The following PLXDC2 variants were observed in gnomAD, a reference collection of about 807,000 sequenced individuals.
PLXDC2 encodes plexin domain containing 2.
PLXDC2 carries 40 observed loss-of-function variants against 68.9 expected under a neutral mutation model. The observed-to-expected ratio is 0.58, with a 90% CI of 0.45 to 0.76. PLXDC2 has a LOEUF of 0.76. Among genes scored for constraint, PLXDC2 ranks in the 30% least tolerant of loss-of-function variants. The pLI, the probability that PLXDC2 is intolerant of heterozygous loss-of-function variation, is 0.00. For synonymous variants in PLXDC2, 243 were observed against 234.2 expected, an observed-to-expected ratio of 1.04 and a Z score of -0.34; for missense variants, 644 against 661.9, an observed-to-expected ratio of 0.97 and a Z score of 0.30.
chr10:20,143,930 G>A (rs1834040167), intron 5 of PLXDC2, among the ~76,000 whole-genome samples: 2 of 152,136 alleles, frequency 1.3e-5, no homozygotes, highest in South Asian at 4.1e-4. Flanking sequence ...ATGAGTGAGA[G>A]CCTGTCAAGA....
At chr10:19,982,313 T>A (rs10827917) in intron 1 of PLXDC2, among the ~76,000 whole-genome samples, 27,566 of 152,154 alleles carry the variant, frequency 0.18, 2,691 homozygotes, top group South Asian at 0.27. Flanking sequence ...TGGTGGTAGA[T>A]ACATTCAGAA....
Position 20,130,283 on chromosome 10 carries a change from T to C in PLXDC2, c.542-13012T>C, listed in dbSNP as rs545233827. On this transcript the variant is annotated intron_variant, in intron 4 of 13. Coordinates refer to ENST00000377252, the MANE Select transcript of PLXDC2 (RefSeq NM_032812.9). ...ATTTTGGTGCTATTGTATGTGAGAG[T>C]GTTAATTTCTATTTTGGATAGTTTG... Among the ~76,000 whole-genome samples the C allele has an allele frequency of 4.0e-3, 604 of 152,130 alleles. 2 individuals carry two copies. Among genetic ancestry groups the C allele is most frequent in the Middle Eastern group, 6.8e-3 (2 of 294 alleles).
intron 12 of PLXDC2, among the ~76,000 whole-genome samples, chr10:20,226,240 A>T (rs147782280): frequency 3.6e-3 from 545 of 152,312 alleles, no homozygotes; most frequent in African/African-American, 0.013. Flanking sequence ...CATTATATCC[A>T]TTATACCTCC....
At chr10:20,261,940 A>C (rs1423867651) in intron 13 of PLXDC2, among the ~76,000 whole-genome samples, 1 of 152,198 alleles carries the variant, frequency 6.6e-6, no homozygotes, top group Non-Finnish European at 1.5e-5. Context: ...CAAATAATCT[A>C]GGAGTGGCCA....
At chr10:19,949,703 A>G (rs775635655) in intron 1 of PLXDC2, among the ~76,000 whole-genome samples, 43 of 152,210 alleles carry the variant, frequency 2.8e-4, no homozygotes, top group Non-Finnish European at 5.3e-4. Context: ...AAGTGGGTCT[A>G]CATGTACACT....
At chr10:20,201,539 A>C (rs1245372657) in intron 9 of PLXDC2, among the ~76,000 whole-genome samples, 1 of 151,966 alleles carries the variant, frequency 6.6e-6, no homozygotes, top group Non-Finnish European at 1.5e-5. Flanking sequence ...AACATATATA[A>C]TAACAATATA....
At chr10:20,018,327 T>C (rs1420990010) in intron 2 of PLXDC2, among the ~76,000 whole-genome samples, 2 of 152,232 alleles carry the variant, frequency 1.3e-5, no homozygotes. Context: ...CAGTAAGATA[T>C]ATGATTCTTG....
rs573437797 is a variant in PLXDC2 at position 19,835,156 on chromosome 10, G to C, written c.112+17965G>C. Among the ~76,000 whole-genome samples the C allele has an allele frequency of 9.2e-5, 14 of 152,276 alleles. No individual in the cohort carries two copies. The South Asian group carries it at 2.9e-3, about 32-fold the overall frequency. ...GGAAGGGCCTTGCACACCTAGCCGG[G>C]TGTTGAATTCTCCCATGAAGTTGAC... On this transcript the variant is annotated intron_variant, in intron 1 of 13. Coordinates refer to ENST00000377252, the MANE Select transcript of PLXDC2 (RefSeq NM_032812.9).
intron 1 of PLXDC2, among the ~76,000 whole-genome samples, chr10:19,900,245 C>T (rs1226092254): frequency 2.0e-5 from 3 of 152,028 alleles, no homozygotes; most frequent in African/African-American, 7.2e-5. Flanking sequence ...ATATGGAGAA[C>T]AGAAGATCAA....
At chr10:20,246,112 C>T (rs1046636100) in intron 13 of PLXDC2, among the ~76,000 whole-genome samples, 1 of 152,176 alleles carries the variant, frequency 6.6e-6, no homozygotes, top group Non-Finnish European at 1.5e-5. Context: ...AATGAGAACA[C>T]CATGCTGAAT....
At chr10:20,207,355 G>A (rs1397305008) in intron 9 of PLXDC2, among the ~76,000 whole-genome samples, 2 of 152,110 alleles carry the variant, frequency 1.3e-5, no homozygotes, top group Admixed American at 1.3e-4. Context: ...ATAATTTAAA[G>A]GACTAATTAT....
At chr10:20,112,023 T>C (rs1833566392) in intron 4 of PLXDC2, among the ~76,000 whole-genome samples, 1 of 152,156 alleles carries the variant, frequency 6.6e-6, no homozygotes, top group Non-Finnish European at 1.5e-5. Context: ...ATTAATGCCC[T>C]CTTACAAAGA....
At chr10:20,270,084 G>A (rs1252520338) in intron 13 of PLXDC2, among the ~76,000 whole-genome samples, 2 of 151,922 alleles carry the variant, frequency 1.3e-5, no homozygotes, top group African/African-American at 4.8e-5. Flanking sequence ...AATGGTTGTG[G>A]GGAAGGAGTA....
chr10:20,044,992 G>T (rs1835772875), intron 2 of PLXDC2, among the ~76,000 whole-genome samples: 1 of 152,156 alleles, frequency 6.6e-6, no homozygotes, highest in Non-Finnish European at 1.5e-5. Context: ...TCATTATGAG[G>T]TTCTGAAACA....
intron 4 of PLXDC2, among the ~76,000 whole-genome samples, chr10:20,072,493 G>GAAAGAAAGAAAGAAAGAA (rs10687286): frequency 3.7e-5 from 3 of 80,700 alleles, no homozygotes; most frequent in South Asian, 5.2e-4. Context: ...AAGAAAGAAA[G>GAAAGAAAGAAAGAAAGAA]AGAAAGAAAG....
At chr10:19,917,939 T>A (rs1312315352) in intron 1 of PLXDC2, among the ~76,000 whole-genome samples, 1 of 152,150 alleles carries the variant, frequency 6.6e-6, no homozygotes, top group Non-Finnish European at 1.5e-5. Context: ...GCACACACTC[T>A]CCTGGTGAGT....
At chr10:20,068,660 T>C (rs999044569) in intron 4 of PLXDC2, among the ~76,000 whole-genome samples, 3 of 148,670 alleles carry the variant, frequency 2.0e-5, no homozygotes, top group South Asian at 2.1e-4. Context: ...CTTACACACA[T>C]ATATATATAC....
At chr10:19,877,497 T>C (rs1837653592) in intron 1 of PLXDC2, among the ~76,000 whole-genome samples, 1 of 152,230 alleles carries the variant, frequency 6.6e-6, no homozygotes, top group Non-Finnish European at 1.5e-5. Context: ...GACTAAGTTT[T>C]TGCCCATTAT....
chr10:20,211,764 C>T lies in PLXDC2; in HGVS notation c.1122+35C>T, dbSNP rs375131077. ...CTTTATTGTGACAGAATCCTGGGAC[C>T]AAGCTGTCATATACATGTGTTTTAA... On this transcript the variant is annotated intron_variant, in intron 10 of 13. Transcript: ENST00000377252. 3.1e-6 allele frequency: 5 copies of T among 1,592,596 alleles called. No homozygotes were observed. The African/African-American group carries it at 6.7e-5, about 21-fold the overall frequency.
Sources: allele counts gnomAD v4.1 joint callset (sites outside exome capture counted in the v4.1 genomes callset), GRCh38; gene constraint gnomAD v4.1.1; transcripts MANE v1.5; gene names NCBI Gene and HGNC (gene_info 2026-07-23, HGNC 2026-07-21).